TBC1D15: variants seen among roughly 807,000 people sequenced by gnomAD.
The protein encoded by TBC1D15 is TBC1 domain family member 15.
In TBC1D15, 39 loss-of-function variants were observed where a neutral mutation model predicts 95.4. That is an observed-to-expected ratio of 0.41 (90% CI 0.32 to 0.53). TBC1D15 has a LOEUF of 0.53. Among genes scored for constraint, TBC1D15 ranks in the 20% least tolerant of loss-of-function variants. The probability of loss-of-function intolerance (pLI) is 0.29; values close to 1 mark genes in which losing one functional copy is unlikely to be tolerated. For missense variants in TBC1D15, 733 were observed against 794.3 expected, an observed-to-expected ratio of 0.92 and a Z score of 0.93; for synonymous variants, 258 against 261.3, an observed-to-expected ratio of 0.99 and a Z score of 0.12.
chr12:71,876,833 CAG>C lies in TBC1D15; in HGVS notation c.205-3633_205-3632del, dbSNP rs1336232567. On this transcript the variant is annotated intron_variant, in intron 3 of 16. Transcript: ENST00000485960. ...TTTTTTTGTTTTGTTTTTTTTGAGA[CAG>C]AGTCTCTCTCTGTCTCCCAGGCTGG... Among the ~76,000 whole-genome samples, 6 of 143,084 alleles carry C rather than the reference CAG, an allele frequency of 4.2e-5. No homozygotes were observed. In the Admixed American group the frequency reaches 4.3e-4, roughly 10 times the overall value. 93.9% of individuals were successfully genotyped at this position (143,084 alleles called of 152,430 possible). A position where few individuals can be genotyped will look rare whatever the true frequency, so the allele number is the denominator to read the frequency against.
intron 11 of TBC1D15, chr12:71,913,411 G>T (rs1477987625): frequency 6.5e-6 from 1 of 154,122 alleles, no homozygotes; most frequent in Non-Finnish European, 1.4e-5. Flanking sequence ...CATTATTCTC[G>T]CTTGATTTTT....
chr12:71,877,877 A>G (rs940816046), intron 3 of TBC1D15, among the ~76,000 whole-genome samples: 1 of 152,084 alleles, frequency 6.6e-6, no homozygotes, highest in Non-Finnish European at 1.5e-5. Context: ...TTTTCTGTAG[A>G]TAACTTGTCT....
chr12:71,851,050 T>C (rs552575220), intron 1 of TBC1D15, among the ~76,000 whole-genome samples: 38 of 140,770 alleles, frequency 2.7e-4, no homozygotes, highest in African/African-American at 9.6e-4. Flanking sequence ...GATAAAGAGG[T>C]TTAATTGGCT....
At chr12:71,878,829 TA>T (rs755589706) in intron 3 of TBC1D15, among the ~76,000 whole-genome samples, 78 of 142,806 alleles carry the variant, frequency 5.5e-4, no homozygotes, top group Non-Finnish European at 5.4e-4. Context: ...AGGGTTGATT[TA>T]AAAAAAAAAA....
At chr12:71,854,453 G>T (rs1353627805) in intron 1 of TBC1D15, 1 of 416,412 alleles carries the variant, frequency 2.4e-6, no homozygotes, top group African/African-American at 2.1e-5. Flanking sequence ...TTCCAAATTT[G>T]TTCTCTTTGT....
At chr12:71,848,195 T>C (rs189828320) in intron 1 of TBC1D15, among the ~76,000 whole-genome samples, 15 of 152,318 alleles carry the variant, frequency 9.8e-5, no homozygotes, top group Admixed American at 2.0e-4. Flanking sequence ...TTTTTCTTGA[T>C]TGGATACCTG....
At position 71,897,913 on chromosome 12, in the gene TBC1D15, G is replaced by A. The variant is rs919853924; in HGVS notation, c.1155G>A (p.Ser385=). The change falls in exon 10 of 17, where the codon TCG becomes TCA. Residue 385 remains serine (S), a synonymous_variant. Coordinates refer to ENST00000485960, the MANE Select transcript of TBC1D15 (RefSeq NM_001146213.3). The stretch of plus-strand genomic sequence containing the variant: ...GCCAGGAACAAGAGAAAAGAAATTC[G>A]AGGTTAAGAGATTATAGAAGTCTTA... ...SISQEQEKRN[S]RLRDYRSLIE... 10 of 1,612,382 alleles carry A rather than the reference G, an allele frequency of 6.2e-6. No individual in the cohort carries two copies. Among genetic ancestry groups the A allele is most frequent in the Middle Eastern group, 3.3e-4 (2 of 6,072 alleles).
intron 12 of TBC1D15, among the ~76,000 whole-genome samples, chr12:71,916,437 T>C (rs1903726673): frequency 6.6e-6 from 1 of 152,176 alleles, no homozygotes; most frequent in South Asian, 2.1e-4. Flanking sequence ...ATCTCTCTGG[T>C]AAATGTGGAG....
In TBC1D15 at chr12:71,921,386, A is replaced by G. The variant is rs759637857; in HGVS notation, c.1735A>G (p.Met579Val). 1.9e-6 allele frequency: 3 copies of G among 1,559,554 alleles called. No individual in the cohort carries two copies. Among genetic ancestry groups the G allele is most frequent in the African/African-American group, 1.4e-5 (1 of 73,892 alleles). Residue 579 changes from methionine (M) to valine (V), a missense_variant, in exon 16 of 17, where the codon ATG becomes GTG. By Grantham distance (21) the Met-to-Val change is conservative. Transcript: ENST00000485960. ...EILKHINELS[M>V]KIDVEDILCK... ...TTTTTAGCATATCAATGAATTGTCC[A>G]TGAAAATTGATGTGGAAGATATACT...
In TBC1D15 at chr12:71,861,584, C is replaced by T. The variant is rs928476882; in HGVS notation, c.31-10486C>T. On this transcript the variant is annotated intron_variant, in intron 1 of 16. Coordinates refer to ENST00000485960, the MANE Select transcript of TBC1D15 (RefSeq NM_001146213.3). ...ATTTCTGATTTTATTTGGGTCTTTTCACTTTTTTTCTTGGTTTGTATAAGT... is the reference window on the plus strand; with the variant it reads ...ATTTCTGATTTTATTTGGGTCTTTTTACTTTTTTTCTTGGTTTGTATAAGT... The T allele has an allele frequency of 4.5e-5, 56 of 1,236,638 alleles. No homozygotes were observed. In the African/African-American group the frequency reaches 8.1e-4, roughly 18 times the overall value. The allele number at this position is 1,236,638 out of a possible 1,614,324, so 76.6% of individuals were successfully genotyped here.
intron 1 of TBC1D15, among the ~76,000 whole-genome samples, chr12:71,851,222 C>G (rs1308689010): frequency 1.3e-5 from 2 of 152,022 alleles, no homozygotes; most frequent in African/African-American, 4.8e-5. Flanking sequence ...TTTTAAACAA[C>G]CAGATCTCAT....
intron 1 of TBC1D15, 113 bp downstream of exon 1, chr12:71,839,924 C>T (rs1447613605): frequency 3.7e-6 from 5 of 1,363,804 alleles, no homozygotes; most frequent in East Asian, 2.4e-5. Flanking sequence ...CCGGACAACC[C>T]GTGGCGTCTG....
intron 1 of TBC1D15, among the ~76,000 whole-genome samples, chr12:71,842,855 GAA>G (rs1257663790): frequency 1.4e-5 from 2 of 147,054 alleles, no homozygotes; most frequent in African/African-American, 5.0e-5. Context: ...AAAAAGAAAA[GAA>G]AAAGAAAATG....
chr12:71,852,063 A>G (rs532061086), intron 1 of TBC1D15, among the ~76,000 whole-genome samples: 2 of 152,272 alleles, frequency 1.3e-5, no homozygotes, highest in South Asian at 4.1e-4. Flanking sequence ...GCTTTTCCAT[A>G]CATCCTCTGA....
rs573788951 is a variant in TBC1D15 at position 71,872,676 on chromosome 12, G to A, written c.130-253G>A. ...GTCAAACCATCATGAGTCAGGGACC[G>A]TCTGTACTTTAGATAAAATGACATG... On this transcript the variant is annotated intron_variant, in intron 2 of 16. Coordinates refer to ENST00000485960, the MANE Select transcript of TBC1D15 (RefSeq NM_001146213.3). 2.6e-4 allele frequency among the ~76,000 whole-genome samples: 40 copies of A among 152,234 alleles called. 1 individual carries two copies. The highest frequency in any genetic ancestry group is 7.2e-4 in the Admixed American group (11 of 15,290).
At chr12:71,848,533 CTG>C (rs1385638157) in intron 1 of TBC1D15, among the ~76,000 whole-genome samples, 1 of 151,732 alleles carries the variant, frequency 6.6e-6, no homozygotes, top group African/African-American at 2.4e-5. Context: ...TTTTTTCAAA[CTG>C]TGTTTTTTTG....
intron 1 of TBC1D15, among the ~76,000 whole-genome samples, chr12:71,868,240 C>CTTT (rs771782876): frequency 3.0e-5 from 4 of 132,358 alleles, no homozygotes; most frequent in South Asian, 2.4e-4. Context: ...GCAGCTTTGA[C>CTTT]TTTTTTTTTT....
At chr12:71,917,840 T>G in intron 13 of TBC1D15, 43 bp downstream of exon 13, 1 of 1,281,134 alleles carries the variant, frequency 7.8e-7, no homozygotes, top group Non-Finnish European at 1.1e-6. Flanking sequence ...AATTGTAGAG[T>G]AATGCATAGA....
At chr12:71,842,105 T>TACCAC (rs1230265890) in intron 1 of TBC1D15, among the ~76,000 whole-genome samples, 1 of 152,224 alleles carries the variant, frequency 6.6e-6, no homozygotes, top group Non-Finnish European at 1.5e-5. Flanking sequence ...GATGGTGGGC[T>TACCAC]ACCAGCTCTG....
Sources: allele counts gnomAD v4.1 joint callset (sites outside exome capture counted in the v4.1 genomes callset), GRCh38; gene constraint gnomAD v4.1.1; transcripts MANE v1.5; gene names NCBI Gene and HGNC (gene_info 2026-07-23, HGNC 2026-07-21).